ADK: variants seen among roughly 807,000 people sequenced by gnomAD.
The protein encoded by ADK is adenosine kinase, also known as N6,N6-dimethyladenosine kinase.
In ADK, 24 loss-of-function variants were observed where a neutral mutation model predicts 44.7. The observed-to-expected ratio is 0.54, with a 90% CI of 0.39 to 0.76. The LOEUF is 0.76. Ranked by LOEUF, ADK falls within the 30% of genes least tolerant of loss-of-function variation. ADK has a pLI of 0.00. For missense variants in ADK, 321 were observed against 425.1 expected (o/e 0.76, Z 2.15); for synonymous variants, 128 against 142.6 (o/e 0.90, Z 0.73).
At chr10:74,704,506 AT>A (rs767699697) in intron 10 of ADK, among the ~76,000 whole-genome samples, 3 of 152,176 alleles carry the variant, frequency 2.0e-5, no homozygotes, top group Non-Finnish European at 4.4e-5. Flanking sequence ...CTTATAACTG[AT>A]TATGTAGTAT....
chr10:74,659,963 C>T (rs1854637435), intron 9 of ADK, among the ~76,000 whole-genome samples: 1 of 152,160 alleles, frequency 6.6e-6, no homozygotes. Flanking sequence ...AGTTGACCCT[C>T]AGTATTAACC....
At chr10:74,582,656 C>A (rs956777136) in intron 7 of ADK, among the ~76,000 whole-genome samples, 2 of 151,980 alleles carry the variant, frequency 1.3e-5, no homozygotes, top group Admixed American at 1.3e-4. Context: ...TAATTTTTTT[C>A]AGTTATGTTT....
chr10:74,638,408 C>T (rs1280665436), intron 9 of ADK, among the ~76,000 whole-genome samples: 1 of 152,060 alleles, frequency 6.6e-6, no homozygotes, highest in Non-Finnish European at 1.5e-5. Flanking sequence ...ACACCTGTAA[C>T]CTCAACACTT....
At chr10:74,399,102 A>G (rs1843623064) in intron 6 of ADK, among the ~76,000 whole-genome samples, 1 of 151,912 alleles carries the variant, frequency 6.6e-6, no homozygotes, top group African/African-American at 2.4e-5. Flanking sequence ...TGTAATTTGA[A>G]TTATTAAGTC....
chr10:74,681,421 G>A (rs2134233940), intron 10 of ADK, among the ~76,000 whole-genome samples: 1 of 152,294 alleles, frequency 6.6e-6, no homozygotes, highest in African/African-American at 2.4e-5. Context: ...CCTATTTGAT[G>A]AATGAAGAAA....
chr10:74,546,517 G>C (rs1849823476), intron 7 of ADK, among the ~76,000 whole-genome samples: 1 of 152,046 alleles, frequency 6.6e-6, no homozygotes, highest in African/African-American at 2.4e-5. Flanking sequence ...TTAGTTATCA[G>C]ATTTGCTTTA....
intron 6 of ADK, among the ~76,000 whole-genome samples, chr10:74,500,305 CAT>C (rs1302789820): frequency 1.3e-5 from 2 of 152,150 alleles, no homozygotes; most frequent in African/African-American, 2.4e-5. Flanking sequence ...TCAAGTTTTA[CAT>C]TTTGTAGTAG....
chr10:74,339,396 A>G (rs976327965), intron 4 of ADK, among the ~76,000 whole-genome samples: 20 of 152,262 alleles, frequency 1.3e-4, no homozygotes, highest in African/African-American at 4.8e-4. Flanking sequence ...TTTGCTGTGA[A>G]GTGAAACGTT....
At chr10:74,233,447 G>A (rs1844853377) in intron 3 of ADK, among the ~76,000 whole-genome samples, 1 of 152,144 alleles carries the variant, frequency 6.6e-6, no homozygotes, top group Non-Finnish European at 1.5e-5. Context: ...ACAGATTACA[G>A]TTCTGCCCAT....
chr10:74,300,282 C>G lies in ADK; in HGVS notation c.195-14385C>G, dbSNP rs1341511281. 1.4e-3 allele frequency among the ~76,000 whole-genome samples: 94 copies of G among 69,578 alleles called. 1 individual carries two copies. Among genetic ancestry groups the G allele is most frequent in the African/African-American group, 4.8e-3 (89 of 18,596 alleles). 45.6% of individuals were successfully genotyped at this position (69,578 alleles called of 152,430 possible). On this transcript the variant is annotated intron_variant, in intron 3 of 10. Transcript: ENST00000539909. ...TGTTTCCTTCCTTCCTTCCTTCCTT[C>G]CTTCCTTCCTTCCTTCCTTCCTTCC...
At chr10:74,272,608 G>A (rs139746877) in intron 3 of ADK, among the ~76,000 whole-genome samples, 1 of 152,084 alleles carries the variant, frequency 6.6e-6, no homozygotes, top group Non-Finnish European at 1.5e-5. Flanking sequence ...ATAAATTAAA[G>A]GATAGTATTA....
At chr10:74,614,741 A>G (rs1852684532) in intron 9 of ADK, among the ~76,000 whole-genome samples, 1 of 151,178 alleles carries the variant, frequency 6.6e-6, no homozygotes, top group Non-Finnish European at 1.5e-5. Flanking sequence ...TCTCCACTTC[A>G]GTCCTATAAT....
intron 9 of ADK, among the ~76,000 whole-genome samples, chr10:74,662,065 C>A (rs1854755125): frequency 2.0e-5 from 3 of 152,120 alleles, no homozygotes; most frequent in Admixed American, 6.5e-5. Context: ...TTATATAGGT[C>A]TTTATATTGT....
chr10:74,425,360 A>G (rs1000964511), intron 6 of ADK, among the ~76,000 whole-genome samples: 2 of 152,158 alleles, frequency 1.3e-5, no homozygotes, highest in African/African-American at 2.4e-5. Context: ...CATTCTATTC[A>G]ACTCTTACAC....
chr10:74,665,978 A>G (rs1854943998), intron 9 of ADK, among the ~76,000 whole-genome samples: 1 of 152,222 alleles, frequency 6.6e-6, no homozygotes. Flanking sequence ...TTCTAAGGAT[A>G]TCGTGAGGTT....
chr10:74,370,527 A>G (rs888186543), intron 4 of ADK, among the ~76,000 whole-genome samples: 9 of 152,210 alleles, frequency 5.9e-5, no homozygotes. Flanking sequence ...TGTTAAATAC[A>G]TTTGACTACT....
chr10:74,597,705 C>A (rs892599785), intron 8 of ADK, among the ~76,000 whole-genome samples: 3 of 152,140 alleles, frequency 2.0e-5, no homozygotes. Context: ...GGGAGGTACA[C>A]AGTGTCACAG....
Position 74,288,237 on chromosome 10 carries a change from T to C in ADK, c.195-26430T>C, listed in dbSNP as rs75616248. Among the ~76,000 whole-genome samples, 798 of 152,304 alleles carry C rather than the reference T, an allele frequency of 5.2e-3. 11 individuals carry two copies. The highest frequency in any genetic ancestry group is 0.017 in the African/African-American group (724 of 41,566). On this transcript the variant is annotated intron_variant, in intron 3 of 10. Transcript: ENST00000539909. ...TCAATATTCAAATTGTTACATCAACTTGAAGTACAGTGAATCATGACTCAG... is the reference window on the plus strand; with the variant it reads ...TCAATATTCAAATTGTTACATCAACCTGAAGTACAGTGAATCATGACTCAG...
intron 2 of ADK, among the ~76,000 whole-genome samples, chr10:74,205,988 G>C (rs1388965309): frequency 6.6e-6 from 1 of 152,120 alleles, no homozygotes; most frequent in Non-Finnish European, 1.5e-5. Flanking sequence ...TATATCAAAG[G>C]CTGTAATAAA....
Sources: allele counts gnomAD v4.1 joint callset (sites outside exome capture counted in the v4.1 genomes callset), GRCh38; gene constraint gnomAD v4.1.1; transcripts MANE v1.5; gene names NCBI Gene and HGNC (gene_info 2026-07-23, HGNC 2026-07-21).